Variants in ZNF124 observed in about 807,000 individuals in gnomAD.
ZNF124 encodes the protein zinc finger protein 124.
A neutral mutation model predicts 26.6 loss-of-function variants in ZNF124; 25 were observed. The ratio of observed to expected loss-of-function variants is 0.94; its 90% confidence interval spans 0.68 to 1.31. ZNF124 has a LOEUF of 1.31. ZNF124 is among the 40% of genes most tolerant of loss of function. The pLI, the probability that ZNF124 is intolerant of heterozygous loss-of-function variation, is 0.00. For missense variants in ZNF124, 444 were observed against 422.2 expected (o/e 1.05, Z -0.45); for synonymous variants, 129 against 133.3 (o/e 0.97, Z 0.22).
chr1:247,123,595 A>C (rs2890107), exon 4 of ZNF124: 54,822 of 385,208 alleles, frequency 0.14, 3,531 homozygotes, highest in African/African-American at 0.28. Flanking sequence ...GGTTATTCCA[A>C]GTTCTTCCAA....
At chr1:247,143,516 A>G (rs951780421) in intron 3 of ZNF124, among the ~76,000 whole-genome samples, 1 of 152,122 alleles carries the variant, frequency 6.6e-6, no homozygotes, top group Non-Finnish European at 1.5e-5. Context: ...TCGTTTCTAG[A>G]TTTATTTACT....
chr1:247,137,410 A>G (rs1572061961), intron 3 of ZNF124, among the ~76,000 whole-genome samples: 1 of 143,332 alleles, frequency 7.0e-6, no homozygotes, highest in Non-Finnish European at 1.5e-5. Context: ...TTGGGAGGCC[A>G]AGGTGGGTGG....
downstream of ZNF124, among the ~76,000 whole-genome samples, chr1:247,154,583 A>G (rs752516692): frequency 3.9e-5 from 6 of 152,218 alleles, no homozygotes; most frequent in African/African-American, 4.8e-5. Context: ...ATTTCTTTCA[A>G]TATAGATGCA....
intron 3 of ZNF124, among the ~76,000 whole-genome samples, chr1:247,158,223 C>G (rs1009594941): frequency 3.3e-5 from 5 of 152,108 alleles, no homozygotes; most frequent in African/African-American, 1.2e-4. Flanking sequence ...GCACTCCAGT[C>G]TGGATACCAG....
intron 3 of ZNF124, among the ~76,000 whole-genome samples, chr1:247,127,561 C>T (rs1043088861): frequency 4.4e-5 from 6 of 135,714 alleles, no homozygotes; most frequent in South Asian, 4.7e-4. Flanking sequence ...AGCCCGGCGC[C>T]GCGTCCTGGG....
At chr1:247,144,530 G>T (rs1432477369) in intron 3 of ZNF124, among the ~76,000 whole-genome samples, 1 of 152,082 alleles carries the variant, frequency 6.6e-6, no homozygotes, top group Admixed American at 6.6e-5. Context: ...ACCCAAGGAG[G>T]ACTGAGGGCT....
chr1:247,140,116 C>G (rs1201415383), intron 3 of ZNF124, among the ~76,000 whole-genome samples: 1 of 152,186 alleles, frequency 6.6e-6, no homozygotes, highest in Non-Finnish European at 1.5e-5. Context: ...CCATCCCTTT[C>G]AGGGATGCCA....
chr1:247,151,228 C>G (rs1268108395), downstream of ZNF124, among the ~76,000 whole-genome samples: 7 of 145,158 alleles, frequency 4.8e-5, no homozygotes, highest in Non-Finnish European at 9.5e-5. Context: ...GCCTGTAATC[C>G]CAGCACTTTG....
chr1:247,171,071 G>T (rs1195654931), intron 1 of ZNF124, among the ~76,000 whole-genome samples: 3 of 22,946 alleles, frequency 1.3e-4, no homozygotes, highest in African/African-American at 9.9e-4. Flanking sequence ...AACTTGAAGG[G>T]AAAGAAAACT....
At chr1:247,127,595 C>T (rs1214457024) in intron 3 of ZNF124, among the ~76,000 whole-genome samples, 1 of 143,616 alleles carries the variant, frequency 7.0e-6, no homozygotes, top group African/African-American at 2.5e-5. Flanking sequence ...TGACCCTTGA[C>T]CTGACCGGTT....
chr1:247,132,902 C>T (rs1672403555), intron 3 of ZNF124, among the ~76,000 whole-genome samples: 1 of 152,192 alleles, frequency 6.6e-6, no homozygotes, highest in African/African-American at 2.4e-5. Context: ...ATTGCTCACT[C>T]AGGGAGCTTG....
chr1:247,160,431 AC>A (rs939679769), intron 1 of ZNF124, among the ~76,000 whole-genome samples: 1 of 152,180 alleles, frequency 6.6e-6, no homozygotes, highest in African/African-American at 2.4e-5. Flanking sequence ...TCAAAGTCTT[AC>A]TATCTGGTGT....
In ZNF124 at chr1:247,156,781, C is replaced by T. The variant is rs138362029; in HGVS notation, c.841G>A (p.Glu281Lys). 9 of 1,613,094 alleles carry T rather than the reference C, an allele frequency of 5.6e-6. No individual in the cohort carries two copies. The highest frequency in any genetic ancestry group is 6.8e-6 in the Non-Finnish European group (8 of 1,179,680). ...GGTTTCTGTGCAATATGAGTTTTCT[C>T]GTGTTTCTGAAGGGAACTGGCGTAT... ...FRYASSLQKHEKTHIAQKPYV... is the reference protein window; with the variant it reads ...FRYASSLQKHKKTHIAQKPYV... The change falls in exon 4 of 4, where the codon GAG becomes AAG. Residue 281 changes from glutamate (E) to lysine (K), a missense_variant. Transcript: ENST00000543802.
Position 247,157,380 on chromosome 1 carries a change from T to C in ZNF124, c.242A>G (p.Asn81Ser). 1.3e-6 allele frequency: 2 copies of C among 1,552,788 alleles called. No individual in the cohort carries two copies. Among genetic ancestry groups the C allele is most frequent in the South Asian group, 2.4e-5 (2 of 84,298 alleles). The change falls in exon 4 of 4, where the codon AAC becomes AGC. Residue 81 changes from asparagine to serine, a missense_variant. By Grantham distance (46) the Asn-to-Ser change is conservative. Transcript: ENST00000543802. ...NLRHIISHSG[N>S]NPYGCEECGK... ...GCATTCCTCACACCCATATGGGTTG[T>C]TTCCAGAATGAGATATGATGTGCCT...
intron 3 of ZNF124, among the ~76,000 whole-genome samples, chr1:247,130,082 C>T (rs143247869): frequency 1.3e-5 from 2 of 152,230 alleles, no homozygotes; most frequent in South Asian, 2.1e-4. Flanking sequence ...TACTGCTACT[C>T]GTTTGTCACC....
chr1:247,145,617 CT>C lies in ZNF124; in HGVS notation c.218+13388del, dbSNP rs978411583. Among the ~76,000 whole-genome samples, 14 of 150,462 alleles carry C rather than the reference CT, an allele frequency of 9.3e-5. 1 individual carries two copies. In the East Asian group the frequency reaches 2.7e-3, roughly 29 times the overall value. ...AGTCAGTCTCTTCAGAGAACAGGCT[CT>C]TATTAAAAACTTCTGTTTTTTTTTT... On this transcript the variant is annotated intron_variant, in intron 3 of 3. Transcript: ENST00000472531.
chr1:247,157,268 T>TCCAGTGTGCATTA lies in ZNF124; in HGVS notation c.341_353dup (p.Gly120AlafsTer13), dbSNP rs1453654235. On this transcript the variant is annotated frameshift_variant, in exon 4 of 4. Transcript: ENST00000543802. LOFTEE classifies it high-confidence loss of function. ...ATATTGTACAACCATAATGTCCATT[T>TCCAGTGTGCATTA]CCAGTGTGCATTACTGTGTCTCTGT... 2 of 1,612,570 alleles carry TCCAGTGTGCATTA rather than the reference T, an allele frequency of 1.2e-6. No individual in the cohort carries two copies. The highest frequency in any genetic ancestry group is 8.5e-7 in the Non-Finnish European group (1 of 1,178,978).
rs1251220977 is a variant in ZNF124 at position 247,156,573 on chromosome 1, T to A, written c.1049A>T (p.Lys350Ile). ...CTGTAGTGATTAAAGCCTTTACATT[T>A]TTTTACATTTATAGGGCTTTTCTCC... is the stretch of plus-strand genomic sequence containing the variant. ...HTGEKPYKCK[K>I]M is the part of the protein sequence containing the mutation. The change falls in exon 4 of 4, where the codon AAA becomes ATA. Residue 350 changes from lysine to isoleucine, a missense_variant. Lys to Ile is a moderately radical substitution (Grantham distance 102, BLOSUM62 -3). Transcript: ENST00000543802. 1.0e-5 allele frequency: 16 copies of A among 1,531,086 alleles called. No homozygotes were observed. The highest frequency in any genetic ancestry group is 1.3e-5 in the Non-Finnish European group (15 of 1,145,590). 94.8% of individuals were successfully genotyped at this position (1,531,086 alleles called of 1,614,324 possible). A position where few individuals can be genotyped will look rare whatever the true frequency, so the allele number is the denominator to read the frequency against.
chr1:247,150,335 T>A (rs1672895598), downstream of ZNF124, among the ~76,000 whole-genome samples: 2 of 152,152 alleles, frequency 1.3e-5, no homozygotes, highest in African/African-American at 2.4e-5. Flanking sequence ...TACCATTGAC[T>A]CTTTGGTGCT....
Sources: allele counts gnomAD v4.1 joint callset (sites outside exome capture counted in the v4.1 genomes callset), GRCh38; gene constraint gnomAD v4.1.1; transcripts MANE v1.5; gene names NCBI Gene and HGNC (gene_info 2026-07-23, HGNC 2026-07-21).